The following NUP107 variants were observed in gnomAD, a reference collection of about 807,000 sequenced individuals.
The protein encoded by NUP107 is nuclear pore complex protein Nup107.
Under a neutral mutation model 141.0 loss-of-function variants are expected in NUP107, and 101 were observed. That is an observed-to-expected ratio of 0.72 (90% CI 0.61 to 0.84). NUP107 has a LOEUF of 0.84. Among genes scored for constraint, NUP107 ranks in the 40% least tolerant of loss-of-function variants. NUP107 has a pLI of 0.00. For synonymous variants in NUP107, 319 were observed against 363.9 expected (o/e 0.88, Z 1.41); for missense variants, 941 against 1,102.7 (o/e 0.85, Z 2.08).
chr12:68,688,596 G>T (rs1232610027), intron 1 of NUP107, among the ~76,000 whole-genome samples: 2 of 152,138 alleles, frequency 1.3e-5, no homozygotes, highest in Admixed American at 6.5e-5. Context: ...TTTTAAGAGA[G>T]AATTCCTGCA....
intron 5 of NUP107, among the ~76,000 whole-genome samples, chr12:68,696,610 G>C (rs954033593): frequency 6.6e-6 from 1 of 152,048 alleles, no homozygotes; most frequent in Non-Finnish European, 1.5e-5. Context: ...CTAGTTGGGA[G>C]GGTGAGGCAG....
intron 26 of NUP107, chr12:68,740,226 A>G (rs1338694734): frequency 6.6e-6 from 1 of 152,210 alleles, no homozygotes; most frequent in African/African-American, 2.4e-5. Flanking sequence ...AGACAGAAAG[A>G]CTACATTGGA....
chr12:68,717,301 T>A (rs532420844), intron 12 of NUP107, among the ~76,000 whole-genome samples: 139 of 152,240 alleles, frequency 9.1e-4, no homozygotes, highest in Non-Finnish European at 1.5e-3. Flanking sequence ...AGATAGTGAG[T>A]GTTTTGTATT....
chr12:68,688,568 T>G (rs1361774094), intron 1 of NUP107, among the ~76,000 whole-genome samples: 3 of 152,212 alleles, frequency 2.0e-5, no homozygotes, highest in Non-Finnish European at 4.4e-5. Context: ...TAAAGCATTT[T>G]GGAGACTGCA....
Position 68,721,845 on chromosome 12 carries a change from T to C in NUP107, c.1316T>C (p.Leu439Pro), listed in dbSNP as rs1877363378. ...AALSGNLKQLLPVCDTWEDTV... is the reference protein window; with the variant it reads ...AALSGNLKQLPPVCDTWEDTV... ...TGTTTTGTAATGGGGAAAAAGCTGCTTCCTGTCTGTGACACCTGGGAAGAC... is the reference window on the plus strand; with the variant it reads ...TGTTTTGTAATGGGGAAAAAGCTGCCTCCTGTCTGTGACACCTGGGAAGAC... Residue 439 changes from leucine (L) to proline (P), a missense_variant, in exon 16 of 28, where the codon CTT (leucine) becomes CCT (proline). Coordinates refer to ENST00000229179, the MANE Select transcript of NUP107 (RefSeq NM_020401.4). 6.2e-7 allele frequency: 1 copy of C among 1,611,802 alleles called. No homozygotes were observed. The highest frequency in any genetic ancestry group is 8.5e-7 in the Non-Finnish European group (1 of 1,179,466).
chr12:68,689,885 T>C (rs1875696450), intron 3 of NUP107: 1 of 336,062 alleles, frequency 3.0e-6, no homozygotes, highest in African/African-American at 2.2e-5. Flanking sequence ...ATATATACAA[T>C]AAGTATGTAA....
chr12:68,737,025 C>T (rs1388977504), intron 26 of NUP107, among the ~76,000 whole-genome samples: 3 of 152,100 alleles, frequency 2.0e-5, no homozygotes, highest in African/African-American at 7.2e-5. Context: ...TTTATCCTAA[C>T]GTTCGTAATA....
intron 4 of NUP107, among the ~76,000 whole-genome samples, chr12:68,691,671 C>T (rs962134414): frequency 1.3e-5 from 2 of 151,570 alleles, no homozygotes; most frequent in Admixed American, 1.3e-4. Context: ...CCATACCTAC[C>T]AAAAATACAA....
intron 8 of NUP107, chr12:68,705,809 G>A (rs1319870884): frequency 5.2e-6 from 4 of 765,224 alleles, no homozygotes; most frequent in African/African-American, 5.1e-5. Context: ...AGGGCCAGTG[G>A]TAGGGGAGGC....
intron 10 of NUP107, 48 bp downstream of exon 10, chr12:68,710,141 T>G: frequency 3.2e-6 from 3 of 926,208 alleles, no homozygotes; most frequent in Non-Finnish European, 5.2e-6. Context: ...GTTGATATTG[T>G]TCATTCATCT....
chr12:68,706,732 G>C (rs1406918183), intron 8 of NUP107: 1 of 756,796 alleles, frequency 1.3e-6, no homozygotes, highest in African/African-American at 1.7e-5. Context: ...TGGCACGGCA[G>C]CTGCGGGAGT....
chr12:68,710,295 A>G (rs908687884), intron 10 of NUP107, among the ~76,000 whole-genome samples: 5 of 152,228 alleles, frequency 3.3e-5, no homozygotes, highest in Admixed American at 6.5e-5. Flanking sequence ...ATTTGCAAAT[A>G]TACAGTTGGC....
intron 26 of NUP107, among the ~76,000 whole-genome samples, chr12:68,737,084 C>T (rs1429154555): frequency 2.6e-5 from 4 of 152,142 alleles, no homozygotes; most frequent in Non-Finnish European, 5.9e-5. Context: ...TCTGGCAAAA[C>T]CTTTCTCATC....
Position 68,735,269 on chromosome 12 carries a change from A to G in NUP107, c.2427A>G (p.Leu809=). 1 of 1,614,036 alleles carries G rather than the reference A, an allele frequency of 6.2e-7. No homozygotes were observed. Among genetic ancestry groups the G allele is most frequent in the Non-Finnish European group, 8.5e-7 (1 of 1,179,914 alleles). The stretch of plus-strand genomic sequence containing the variant: ...TTTGGAAAGGGCATTTGGATGCCCT[A>G]ACTGCTGATGTGAAGGAGAAAATGT... The part of the protein sequence containing the change: ...FGIWKGHLDA[L]TADVKEKMYN... Residue 809 remains leucine (L), a synonymous_variant, in exon 26 of 28, where the codon CTA becomes CTG. Coordinates refer to ENST00000229179, the MANE Select transcript of NUP107 (RefSeq NM_020401.4).
intron 23 of NUP107, 81 bp downstream of exon 23, chr12:68,732,820 C>CA: frequency 1.1e-6 from 1 of 902,290 alleles, no homozygotes; most frequent in Non-Finnish European, 1.7e-6. Flanking sequence ...GCTGGGACTA[C>CA]AGGCACCCAC....
chr12:68,689,509 A>C (rs770681743), intron 2 of NUP107, 24 bp from the exon 3 acceptor site: 9 of 1,401,128 alleles, frequency 6.4e-6, no homozygotes, highest in Non-Finnish European at 8.9e-6. Flanking sequence ...CTACATGGAA[A>C]ACTTTTCTTA....
chr12:68,691,679 C>A (rs1284182922), intron 4 of NUP107, among the ~76,000 whole-genome samples: 1 of 151,848 alleles, frequency 6.6e-6, no homozygotes, highest in Non-Finnish European at 1.5e-5. Context: ...ACCAAAAATA[C>A]AAAAATTAGC....
intron 7 of NUP107, among the ~76,000 whole-genome samples, chr12:68,701,218 C>G (rs2136007798): frequency 6.6e-6 from 1 of 152,230 alleles, no homozygotes; most frequent in African/African-American, 2.4e-5. Context: ...ATCCTTGAAT[C>G]TAGGAATTTT....
chr12:68,727,795 A>G (rs1285650668), intron 20 of NUP107, among the ~76,000 whole-genome samples: 1 of 152,188 alleles, frequency 6.6e-6, no homozygotes, highest in Non-Finnish European at 1.5e-5. Flanking sequence ...TTGGCCCTGC[A>G]GAACCTGCAT....
Sources: gnomAD v4.1 joint callset for allele counts (sites outside exome capture counted in the v4.1 genomes callset) on GRCh38, gnomAD v4.1.1 for gene constraint, MANE v1.5 for transcripts, NCBI Gene and HGNC (gene_info 2026-07-23, HGNC 2026-07-21) for gene names.